The following GOLGA8Q variants were observed in gnomAD, a reference collection of about 807,000 sequenced individuals.
GOLGA8Q encodes golgin A8 family member Q, also known as golgin subfamily A member 8Q.
GOLGA8Q carries 3 observed loss-of-function variants against 48.7 expected under a neutral mutation model. The ratio of observed to expected loss-of-function variants is 0.06; its 90% CI spans 0.03 to 0.16. The LOEUF is 0.16. GOLGA8Q is among the 10% of genes least tolerant of loss of function. The probability of loss-of-function intolerance (pLI) is 1.00; values close to 1 mark genes in which losing one functional copy is unlikely to be tolerated. For synonymous variants in GOLGA8Q, 22 were observed against 138.2 expected (o/e 0.16, Z 5.90); for missense variants, 49 against 364.3 (o/e 0.13, Z 7.05).
At chr15:30,558,110 T>C in intron 10 of GOLGA8Q, 59 bp downstream of exon 10, 2 of 925,690 alleles carry the variant, frequency 2.2e-6, no homozygotes, top group Non-Finnish European at 3.1e-6. Context: ...TTTCTGGGCA[T>C]CTGTAAAATG....
intron 4 of GOLGA8Q, 94 bp downstream of exon 4, chr15:30,555,216 G>A: frequency 2.9e-6 from 1 of 346,682 alleles, no homozygotes; most frequent in Admixed American, 5.1e-5. Flanking sequence ...GGGGTCCCTG[G>A]TGCCCGGGAC....
chr15:30,558,906 T>A lies in GOLGA8Q; in HGVS notation c.1070T>A (p.Leu357His). The change falls in exon 12 of 19, where the codon CTT becomes CAT. Residue 357 changes from leucine (L) to histidine (H), a missense_variant. Transcript: ENST00000562783. The part of the protein sequence containing the change: ...EERLRKQEER[L>H]QEQHEKLRQL... ...AGGCTTCGGAAGCAGGAGGAGAGGC[T>A]TCAGGAGCAGCACGAGAAGCTTCGG... 1 of 266,874 alleles carries A rather than the reference T, an allele frequency of 3.7e-6. No homozygotes were observed. The highest frequency in any genetic ancestry group is 6.7e-6 in the Non-Finnish European group (1 of 148,574). 16.5% of individuals were successfully genotyped at this position (266,874 alleles called of 1,614,324 possible).
intron 8 of GOLGA8Q, among the ~76,000 whole-genome samples, chr15:30,556,912 G>A (rs1466048412): frequency 2.2e-5 from 2 of 92,088 alleles, no homozygotes; most frequent in African/African-American, 5.6e-5. Context: ...AGCACTGGAG[G>A]CAGAGCTTGG....
In GOLGA8Q at chr15:30,561,728, TGAA is replaced by T. The variant is rs2059682402; in HGVS notation, c.1390_1392del (p.Lys464del). ...CTCCAGAGCAGCTTTATGGACCACC[TGAA>T]GGAGAAGGCAGACCTGAGTGAGCTG... On this transcript the variant is annotated inframe_deletion, in exon 16 of 19. Transcript: ENST00000562783. 1 of 702,362 alleles carries T rather than the reference TGAA, an allele frequency of 1.4e-6. No individual in the cohort carries two copies. The highest frequency in any genetic ancestry group is 2.2e-5 in the African/African-American group (1 of 45,780). The allele number at this position is 702,362 out of a possible 1,614,324, so 43.5% of individuals were successfully genotyped here.
Position 30,556,273 on chromosome 15 carries a change from AG to A in GOLGA8Q, c.349del. ...AAGAGCTCTGTCTTCCTCTTCCTAC[AG>A]GAAAAGAAAGCAAACAACGAGAGAC... is the stretch of plus-strand genomic sequence containing the variant. On this transcript the variant is annotated splice_acceptor_variant, in intron 5 of 18. Transcript: ENST00000562783. LOFTEE classifies it high-confidence loss of function. The A allele has an allele frequency of 1.5e-6, 1 of 655,932 alleles. No homozygotes were observed. Among genetic ancestry groups the A allele is most frequent in the Non-Finnish European group, 2.6e-6 (1 of 379,828 alleles). The allele number at this position is 655,932 out of a possible 1,614,324, so 40.6% of individuals were successfully genotyped here. A position where few individuals can be genotyped will look rare whatever the true frequency, so the allele number is the denominator to read the frequency against.
At chr15:30,559,682 T>G (rs2059666899) in intron 13 of GOLGA8Q, among the ~76,000 whole-genome samples, 1 of 150,894 alleles carries the variant, frequency 6.6e-6, no homozygotes, top group Non-Finnish European at 1.5e-5. Flanking sequence ...TAAAACCTCA[T>G]CTCTACTAAA....
Position 30,560,420 on chromosome 15 carries a change from C to T in GOLGA8Q, c.1201-116C>T, listed in dbSNP as rs1481391120. ...AGAAAGCTTGGGGCAAAGCAGTGGC[C>T]GAGATGGCCTGCCAAAAGTTGCAGG... On this transcript the variant is annotated intron_variant, in intron 13 of 18. Coordinates refer to ENST00000562783, the MANE Select transcript of GOLGA8Q (RefSeq NM_001355476.2). 1.7e-4 allele frequency: 181 copies of T among 1,039,386 alleles called. 56 individuals carry two copies. The highest frequency in any genetic ancestry group is 4.3e-4 in the Admixed American group (17 of 39,966). 64.4% of individuals were successfully genotyped at this position (1,039,386 alleles called of 1,614,324 possible).
At chr15:30,555,535 T>C (rs1325646694) in intron 4 of GOLGA8Q, among the ~76,000 whole-genome samples, 1 of 109,662 alleles carries the variant, frequency 9.1e-6, no homozygotes, top group East Asian at 2.0e-4. Context: ...AGCTCTCGAG[T>C]CTGAGATTTA....
chr15:30,558,042 G>A lies in GOLGA8Q; in HGVS notation c.777G>A (p.Met259Ile), dbSNP rs552961321. Reference protein sequence around the residue: ...RARWHQRMSKMLQEICTLKKE... With the variant: ...RARWHQRMSKILQEICTLKKE... ...GGTGGCATCAGAGGATGAGTAAAAT[G>A]TTGCAGGAGGTGAGATCTGACCCTT... Residue 259 changes from methionine to isoleucine, a missense_variant, in exon 10 of 19, where the codon ATG (methionine) becomes ATA (isoleucine). Met to Ile is a conservative substitution (Grantham distance 10, BLOSUM62 1). Coordinates refer to ENST00000562783, the MANE Select transcript of GOLGA8Q (RefSeq NM_001355476.2). 20 of 1,090,216 alleles carry A rather than the reference G, an allele frequency of 1.8e-5. 4 individuals are homozygous for A. The highest frequency in any genetic ancestry group is 1.2e-4 in the East Asian group (5 of 42,790). The allele number at this position is 1,090,216 out of a possible 1,614,324, so 67.5% of individuals were successfully genotyped here. A position where few individuals can be genotyped will look rare whatever the true frequency, so the allele number is the denominator to read the frequency against.
At chr15:30,555,583 C>T (rs1205023639) in intron 4 of GOLGA8Q, among the ~76,000 whole-genome samples, 1 of 110,008 alleles carries the variant, frequency 9.1e-6, no homozygotes, top group Admixed American at 8.2e-5. Context: ...GCTAAGGGCT[C>T]CTGTCTGTCC....
chr15:30,555,784 G>A (rs1454437802), intron 4 of GOLGA8Q, among the ~76,000 whole-genome samples, 190 bp from the exon 5 acceptor site: 5 of 85,768 alleles, frequency 5.8e-5, no homozygotes, highest in Admixed American at 1.0e-4. Flanking sequence ...CTGTGGCTGT[G>A]GGCAAAAGCC....
At chr15:30,559,712 G>A (rs1424375547) in intron 13 of GOLGA8Q, among the ~76,000 whole-genome samples, 1 of 151,304 alleles carries the variant, frequency 6.6e-6, no homozygotes, top group Admixed American at 6.6e-5. Context: ...AAAAAAATTA[G>A]CAGGGCATTG....
At chr15:30,554,247 T>C (rs1182971143) in intron 2 of GOLGA8Q, among the ~76,000 whole-genome samples, 18 of 117,472 alleles carry the variant, frequency 1.5e-4, no homozygotes, top group African/African-American at 6.5e-4. Context: ...GAGCTTGCAG[T>C]GGCCAAGATT....
intron 1 of GOLGA8Q, 31 bp from the exon 2 acceptor site, chr15:30,553,760 CT>C: frequency 1.1e-6 from 1 of 935,480 alleles, no homozygotes. Context: ...GCTGACGGTT[CT>C]CATGAATATT....
intron 8 of GOLGA8Q, among the ~76,000 whole-genome samples, chr15:30,557,274 C>T (rs1474866059): frequency 1.6e-4 from 10 of 62,200 alleles, no homozygotes; most frequent in African/African-American, 6.0e-4. Flanking sequence ...TGCCCCCATC[C>T]CCAGCAAGAA....
In GOLGA8Q at chr15:30,560,550, G is replaced by A. The variant is rs369822259; in HGVS notation, c.1215G>A (p.Ala405=). The change falls in exon 14 of 19, where the codon GCG becomes GCA. Residue 405 remains alanine (A), a synonymous_variant. Transcript: ENST00000562783. ...TGGCCCCTTAGGAGCACCTGGAAGC[G>A]GCCAGCCAGCAGAACCAGCAGCTAA... is the stretch of plus-strand genomic sequence containing the variant. ...QEKLGEEHLE[A]ASQQNQQLTA... The A allele has an allele frequency of 5.2e-5, 58 of 1,123,078 alleles. 22 individuals carry two copies. Among genetic ancestry groups the A allele is most frequent in the Admixed American group, 8.7e-5 (4 of 45,834 alleles). The allele number at this position is 1,123,078 out of a possible 1,614,324, so 69.6% of individuals were successfully genotyped here.
chr15:30,560,719 T>C lies in GOLGA8Q; in HGVS notation c.1276+108T>C, dbSNP rs1365634769. On this transcript the variant is annotated intron_variant, in intron 14 of 18. Coordinates refer to ENST00000562783, the MANE Select transcript of GOLGA8Q (RefSeq NM_001355476.2). ...AGAGACCTTTAGAGCAGCTGGTCAT[T>C]ATGCCGACCGGGTGCCTGCACTAAG... 3.2e-6 allele frequency: 2 copies of C among 630,332 alleles called. 1 individual carries two copies. Among genetic ancestry groups the C allele is most frequent in the Non-Finnish European group, 4.9e-6 (2 of 410,838 alleles). The allele number at this position is 630,332 out of a possible 1,614,324, so 39.0% of individuals were successfully genotyped here.
Position 30,560,467 on chromosome 15 carries a change from C to G in GOLGA8Q, c.1201-69C>G, listed in dbSNP as rs1039580021. 1.2e-4 allele frequency: 118 copies of G among 990,756 alleles called. 39 individuals are homozygous for G. The African/African-American group carries it at 2.9e-3, about 24-fold the overall frequency. The allele number at this position is 990,756 out of a possible 1,614,324, so 61.4% of individuals were successfully genotyped here. A position where few individuals can be genotyped will look rare whatever the true frequency, so the allele number is the denominator to read the frequency against. The stretch of plus-strand genomic sequence containing the variant: ...CAGGAGACCCAGGGGAGGGAGCTGC[C>G]GAGGATGGGGCTGTGAGGGGGACGA... On this transcript the variant is annotated intron_variant, in intron 13 of 18. Coordinates refer to ENST00000562783, the MANE Select transcript of GOLGA8Q (RefSeq NM_001355476.2).
rs1047907867 is a variant in GOLGA8Q at position 30,555,502 on chromosome 15, A to G, written c.309+380A>G. Reference sequence around the variant, plus strand: ...TTGGGCTCGTGTTTCCAGAGGAGGTAGTGAGTATCAAAGGTCTCTGTTAGC... The same window carrying G: ...TTGGGCTCGTGTTTCCAGAGGAGGTGGTGAGTATCAAAGGTCTCTGTTAGC... On this transcript the variant is annotated intron_variant, in intron 4 of 18. Coordinates refer to ENST00000562783, the MANE Select transcript of GOLGA8Q (RefSeq NM_001355476.2). 1.9e-5 allele frequency among the ~76,000 whole-genome samples: 2 copies of G among 106,628 alleles called. 1 individual carries two copies. 70.0% of individuals were successfully genotyped at this position (106,628 alleles called of 152,430 possible).
Sources: allele counts gnomAD v4.1 joint callset (sites outside exome capture counted in the v4.1 genomes callset), GRCh38; gene constraint gnomAD v4.1.1; transcripts MANE v1.5; gene names NCBI Gene and HGNC (gene_info 2026-07-23, HGNC 2026-07-21).